DLG2: variants seen among roughly 807,000 people sequenced by gnomAD.
DLG2 encodes the protein disks large homolog 2.
A neutral mutation model predicts 132.5 loss-of-function variants in DLG2; 45 were observed. The observed-to-expected ratio is 0.34, with a 90% CI of 0.27 to 0.44. DLG2 has a LOEUF of 0.44. Ranked by LOEUF, DLG2 falls within the 20% of genes least tolerant of loss-of-function variation. The pLI is 1.00. For synonymous variants in DLG2, 424 were observed against 419.6 expected (o/e 1.01, Z -0.13); for missense variants, 1,045 against 1,196.9 (o/e 0.87, Z 1.87).
intron 6 of DLG2, among the ~76,000 whole-genome samples, chr11:85,007,603 T>C (rs2058783423): frequency 7.1e-6 from 1 of 140,858 alleles, no homozygotes; most frequent in Non-Finnish European, 1.5e-5. Context: ...GAGGCAGAGA[T>C]TGCAGTGAGC....
intron 6 of DLG2, among the ~76,000 whole-genome samples, chr11:84,609,251 T>C (rs2099591123): frequency 6.6e-6 from 1 of 152,162 alleles, no homozygotes; most frequent in African/African-American, 2.4e-5. Context: ...GCTTCGGTTT[T>C]CTTATCTATA....
chr11:84,502,995 C>CA (rs898892016), intron 7 of DLG2, among the ~76,000 whole-genome samples: 10 of 152,214 alleles, frequency 6.6e-5, no homozygotes, highest in Middle Eastern at 3.4e-3. Context: ...AGAGAACTAA[C>CA]AAAAACTGAC....
chr11:83,716,160 G>C (rs2086651141), intron 18 of DLG2, among the ~76,000 whole-genome samples: 1 of 152,136 alleles, frequency 6.6e-6, no homozygotes, highest in Admixed American at 6.6e-5. Flanking sequence ...TAACTCCAAA[G>C]GTCAGGGAAG....
intron 17 of DLG2, among the ~76,000 whole-genome samples, chr11:83,811,597 A>C (rs2047311509): frequency 6.6e-6 from 1 of 152,162 alleles, no homozygotes; most frequent in Non-Finnish European, 1.5e-5. Flanking sequence ...TTTGATTAAG[A>C]AAAATAATGT....
At chr11:83,898,305 A>T (rs1394000662) in intron 15 of DLG2, among the ~76,000 whole-genome samples, 2 of 152,152 alleles carry the variant, frequency 1.3e-5, no homozygotes, top group Non-Finnish European at 2.9e-5. Context: ...ACTTTATTAC[A>T]TTCAGGTAAA....
chr11:84,550,737 A>C (rs1275076569), intron 6 of DLG2, among the ~76,000 whole-genome samples: 1 of 152,194 alleles, frequency 6.6e-6, no homozygotes, highest in African/African-American at 2.4e-5. Context: ...CCTAGTGGGA[A>C]GCACCATTAT....
intron 7 of DLG2, among the ~76,000 whole-genome samples, chr11:84,402,680 A>T (rs1171286075): frequency 6.6e-6 from 1 of 152,060 alleles, no homozygotes; most frequent in Non-Finnish European, 1.5e-5. Flanking sequence ...CAGGAGATAA[A>T]GACCACCCCG....
At chr11:83,565,514 C>A (rs2096691778) in intron 19 of DLG2, among the ~76,000 whole-genome samples, 1 of 152,160 alleles carries the variant, frequency 6.6e-6, no homozygotes, top group African/African-American at 2.4e-5. Context: ...TGAAAGCAAA[C>A]TGAATTTTCT....
intron 6 of DLG2, among the ~76,000 whole-genome samples, chr11:84,573,493 T>C (rs1029436682): frequency 6.6e-6 from 1 of 152,124 alleles, no homozygotes; most frequent in African/African-American, 2.4e-5. Context: ...CCAAAAAGGA[T>C]GCAAGGTTAA....
chr11:84,979,122 AC>A, intron 6 of DLG2, among the ~76,000 whole-genome samples: 1 of 152,328 alleles, frequency 6.6e-6, no homozygotes, highest in East Asian at 1.9e-4. Context: ...ACCATCTCAC[AC>A]CAGTTAGAAT....
chr11:84,717,912 G>T (rs2061403578), intron 6 of DLG2, among the ~76,000 whole-genome samples: 1 of 151,994 alleles, frequency 6.6e-6, no homozygotes, highest in Admixed American at 6.6e-5. Flanking sequence ...TACATATGAA[G>T]AAACTGAGAC....
chr11:83,890,487 T>C (rs892416764), intron 15 of DLG2, among the ~76,000 whole-genome samples: 3 of 152,156 alleles, frequency 2.0e-5, no homozygotes, highest in Non-Finnish European at 2.9e-5. Context: ...TCCTACTTTA[T>C]TGAGTGTAGA....
At chr11:83,934,062 T>C (rs926312656) in intron 14 of DLG2, among the ~76,000 whole-genome samples, 22 of 152,342 alleles carry the variant, frequency 1.4e-4, no homozygotes, top group African/African-American at 5.3e-4. Context: ...GGTTCATTCT[T>C]ACAGCAGGGT....
intron 3 of DLG2, among the ~76,000 whole-genome samples, chr11:85,432,960 A>G (rs2091275565): frequency 6.6e-6 from 1 of 152,250 alleles, no homozygotes; most frequent in Admixed American, 6.5e-5. Flanking sequence ...TCAGACTAAC[A>G]GAAGATTTCT....
chr11:83,771,572 C>T (rs897006651), intron 18 of DLG2, among the ~76,000 whole-genome samples: 1 of 152,088 alleles, frequency 6.6e-6, no homozygotes, highest in Non-Finnish European at 1.5e-5. Context: ...GTTACTGTTA[C>T]TGTACTGAAT....
intron 3 of DLG2, among the ~76,000 whole-genome samples, chr11:85,349,425 A>G (rs1298772842): frequency 1.3e-5 from 2 of 151,984 alleles, no homozygotes; most frequent in African/African-American, 2.4e-5. Context: ...TTTTATTATT[A>G]TTATACTCAA....
intron 3 of DLG2, among the ~76,000 whole-genome samples, chr11:85,501,258 A>G (rs2093795853): frequency 6.6e-6 from 1 of 152,202 alleles, no homozygotes. Flanking sequence ...CACCTTATAC[A>G]AAAATCAACT....
chr11:84,470,788 G>A (rs1341498775), intron 7 of DLG2, among the ~76,000 whole-genome samples: 1 of 151,770 alleles, frequency 6.6e-6, no homozygotes, highest in African/African-American at 2.4e-5. Flanking sequence ...TTTATGGAGG[G>A]CAAATTGGAA....
intron 6 of DLG2, among the ~76,000 whole-genome samples, chr11:84,771,291 G>A (rs2069340477): frequency 6.6e-6 from 1 of 152,054 alleles, no homozygotes; most frequent in African/African-American, 2.4e-5. Flanking sequence ...GTTATTTGTT[G>A]ACTTTTTAAT....
Sources: gnomAD v4.1 joint callset for allele counts (sites outside exome capture counted in the v4.1 genomes callset) on GRCh38, gnomAD v4.1.1 for gene constraint, MANE v1.5 for transcripts, NCBI Gene and HGNC (gene_info 2026-07-23, HGNC 2026-07-21) for gene names.